HPN: variants seen among roughly 807,000 people sequenced by gnomAD.
HPN encodes hepsin.
A neutral mutation model predicts 55.9 loss-of-function variants in HPN; 13 were observed. The ratio of observed to expected loss-of-function variants is 0.23; its 90% CI spans 0.15 to 0.37. The LOEUF (loss-of-function observed/expected upper bound fraction) is 0.37, where lower values mean the gene tolerates loss of function less well. HPN is among the 10% of genes least tolerant of loss of function. The pLI, the probability that HPN is intolerant of heterozygous loss-of-function variation, is 1.00. For synonymous variants in HPN, 225 were observed against 240.3 expected (o/e 0.94, Z 0.59); for missense variants, 451 against 575.8 (o/e 0.78, Z 2.22).
At position 35,066,040 on chromosome 19, in the gene HPN, T is replaced by G; in HGVS notation, c.1215+8T>G. ...ATCTTCCAGGCCATAAAGGTGAAAG[T>G]TGGGTCCAGATGGGAGCCAGGGTGG... is the stretch of plus-strand genomic sequence containing the variant. On this transcript the variant is annotated splice_region_variant and intron_variant, in intron 12 of 12. Transcript: ENST00000672452. 6.2e-7 allele frequency: 1 copy of G among 1,609,954 alleles called. No homozygotes were observed. Among genetic ancestry groups the G allele is most frequent in the Non-Finnish European group, 8.5e-7 (1 of 1,179,988 alleles).
upstream of HPN, chr19:35,041,690 A>ACC: frequency 1.3e-6 from 1 of 773,492 alleles, no homozygotes. Context: ...CCGCCCCTTC[A>ACC]CCCGCCCCTC....
At chr19:35,058,895 C>A (rs1461910639) in intron 4 of HPN, among the ~76,000 whole-genome samples, 1 of 152,142 alleles carries the variant, frequency 6.6e-6, no homozygotes, top group Non-Finnish European at 1.5e-5. Context: ...AAAATGTTAT[C>A]AGAAATCTCT....
chr19:35,066,438 G>A lies in HPN; in HGVS notation c.*151G>A, dbSNP rs1366263599. On this transcript the variant is annotated 3_prime_UTR_variant, in exon 13 of 13. Transcript: ENST00000672452. ...CCAGGGTCCTCTCTTCCACAGTGGCGGGCCCACTCAGCCCCGAGACCACCC... is the reference window on the plus strand; with the variant it reads ...CCAGGGTCCTCTCTTCCACAGTGGCAGGCCCACTCAGCCCCGAGACCACCC... 9.3e-6 allele frequency: 10 copies of A among 1,071,918 alleles called. No homozygotes were observed. Among genetic ancestry groups the A allele is most frequent in the Admixed American group, 4.9e-5 (2 of 40,512 alleles). 66.4% of individuals were successfully genotyped at this position (1,071,918 alleles called of 1,614,324 possible).
At chr19:35,048,056 G>GAA (rs1384450545) in intron 2 of HPN, among the ~76,000 whole-genome samples, 1 of 52,156 alleles carries the variant, frequency 1.9e-5, no homozygotes, top group Non-Finnish European at 3.3e-5. Flanking sequence ...AAGAAAGAAA[G>GAA]AAAGAAAGAA....
chr19:35,042,998 T>C (rs1022460311), intron 2 of HPN, among the ~76,000 whole-genome samples: 12 of 152,256 alleles, frequency 7.9e-5, no homozygotes, highest in African/African-American at 2.9e-4. Context: ...CTCTGTGAGG[T>C]TGCTGAGTGC....
intron 7 of HPN, 28 bp downstream of exon 7, chr19:35,060,197 C>A (rs751288680): frequency 1.5e-5 from 25 of 1,613,552 alleles, no homozygotes; most frequent in Non-Finnish European, 2.1e-5. Flanking sequence ...AGAACCCTCT[C>A]CTTTAGGCCC....
intron 2 of HPN, among the ~76,000 whole-genome samples, chr19:35,044,042 G>T (rs906449458): frequency 6.6e-6 from 1 of 152,230 alleles, no homozygotes; most frequent in Non-Finnish European, 1.5e-5. Flanking sequence ...CGGGTGACCC[G>T]GGTTTGGTGG....
intron 4 of HPN, among the ~76,000 whole-genome samples, chr19:35,055,914 C>T (rs1427884273): frequency 6.6e-6 from 1 of 152,116 alleles, no homozygotes; most frequent in Non-Finnish European, 1.5e-5. Context: ...CAGGGCCCTC[C>T]CCTGGCTGCA....
At chr19:35,050,914 C>CTTT (rs5827917) in intron 4 of HPN, among the ~76,000 whole-genome samples, 533 of 90,236 alleles carry the variant, frequency 5.9e-3, no homozygotes, top group Non-Finnish European at 6.8e-3. Context: ...TTCTTTCTTT[C>CTTT]TTTTTTTTTT....
intron 4 of HPN, among the ~76,000 whole-genome samples, chr19:35,056,921 T>G (rs1266579502): frequency 6.6e-6 from 1 of 152,234 alleles, no homozygotes; most frequent in Non-Finnish European, 1.5e-5. Flanking sequence ...TCTTTCCCTC[T>G]TCTTTTCTTT....
chr19:35,051,422 T>A (rs1480127646), intron 4 of HPN, among the ~76,000 whole-genome samples: 1 of 152,060 alleles, frequency 6.6e-6, no homozygotes, highest in African/African-American at 2.4e-5. Flanking sequence ...TTTTTTAAAT[T>A]TTTAGTAGAG....
At chr19:35,048,082 A>AAAGAAAGAAAGAAAGAAAAAAGG (rs1555723027) in intron 2 of HPN, among the ~76,000 whole-genome samples, 1 of 96,984 alleles carries the variant, frequency 1.0e-5, no homozygotes, top group Non-Finnish European at 2.1e-5. Context: ...GAAAGAAAGA[A>AAAGAAAGAAAGAAAGAAAAAAGG]AAGGAAGGAA....
intron 4 of HPN, among the ~76,000 whole-genome samples, chr19:35,056,456 T>C (rs929719274): frequency 2.0e-5 from 3 of 152,030 alleles, no homozygotes; most frequent in African/African-American, 7.3e-5. Flanking sequence ...TACCCCAGGG[T>C]CTGTGACCTG....
At chr19:35,059,851 G>A (rs762315183) in intron 5 of HPN, 23 bp from the exon 6 acceptor site, 4 of 1,509,542 alleles carry the variant, frequency 2.6e-6, no homozygotes, top group Non-Finnish European at 3.5e-6. Flanking sequence ...CTGGGGAGCA[G>A]GCCTAACCCC....
chr19:35,052,740 C>G (rs759064443), intron 4 of HPN, among the ~76,000 whole-genome samples: 7 of 152,192 alleles, frequency 4.6e-5, no homozygotes, highest in Non-Finnish European at 7.3e-5. Context: ...GAATTATTTA[C>G]TCCTGGCGAA....
At chr19:35,041,689 C>CGGA, upstream of HPN, 17 of 385,768 alleles carry the variant, frequency 4.4e-5, no homozygotes, top group Non-Finnish European at 6.1e-5. Flanking sequence ...CCCGCCCCTT[C>CGGA]ACCCGCCCCT....
upstream of HPN, chr19:35,041,711 C>G: frequency 8.5e-7 from 1 of 1,170,834 alleles, no homozygotes; most frequent in South Asian, 1.5e-5. Context: ...GCCCAGCCCC[C>G]TCCTCCTCAG....
intron 4 of HPN, among the ~76,000 whole-genome samples, chr19:35,055,442 A>C (rs1358097690): frequency 6.6e-6 from 1 of 151,746 alleles, no homozygotes. Context: ...GGAAAGGACA[A>C]AGAGGTTCAC....
chr19:35,054,685 G>A (rs1490841615), intron 4 of HPN, among the ~76,000 whole-genome samples: 3 of 152,174 alleles, frequency 2.0e-5, no homozygotes, highest in Non-Finnish European at 4.4e-5. Context: ...TGCATTTGGT[G>A]ACGTTGGGGA....
Sources: allele counts gnomAD v4.1 joint callset (sites outside exome capture counted in the v4.1 genomes callset), GRCh38; gene constraint gnomAD v4.1.1; transcripts MANE v1.5; gene names NCBI Gene and HGNC (gene_info 2026-07-23, HGNC 2026-07-21).